The following WIZ variants were observed in gnomAD, a reference collection of about 807,000 sequenced individuals.
The protein encoded by WIZ is WIZ zinc finger, also known as protein Wiz.
WIZ carries 25 observed loss-of-function variants against 140.2 expected under a neutral mutation model. That is an observed-to-expected ratio of 0.18 (90% CI 0.13 to 0.25). The LOEUF is 0.25. Among genes scored for constraint, WIZ ranks in the 10% least tolerant of loss-of-function variants. The probability of loss-of-function intolerance (pLI) is 1.00; values close to 1 mark genes in which losing one functional copy is unlikely to be tolerated. For synonymous variants in WIZ, 1,125 were observed against 1,154.3 expected (o/e 0.97, Z 0.51); for missense variants, 2,231 against 2,632.6 (o/e 0.85, Z 3.34).
rs756409308 is a variant in WIZ at position 15,422,332 on chromosome 19, G to C, written c.*744C>G. 2.6e-5 allele frequency: 4 copies of C among 152,244 alleles called. No individual in the cohort carries two copies. The highest frequency in any genetic ancestry group is 4.8e-5 in the African/African-American group (2 of 41,448). The allele number at this position is 152,244 out of a possible 1,614,324, so 9.4% of individuals were successfully genotyped here. A position where few individuals can be genotyped will look rare whatever the true frequency, so the allele number is the denominator to read the frequency against. ...GTGAAAAGGGAGAGGGAGCAGGAGTGGGGGAGGAGAGTCCCACCCCCCAAC... is the reference window on the plus strand; with the variant it reads ...GTGAAAAGGGAGAGGGAGCAGGAGTCGGGGAGGAGAGTCCCACCCCCCAAC... On this transcript the variant is annotated 3_prime_UTR_variant, in exon 13 of 13. Transcript: ENST00000673675.
chr19:15,448,617 A>C (rs994420191), intron 1 of WIZ, among the ~76,000 whole-genome samples: 1 of 151,860 alleles, frequency 6.6e-6, no homozygotes, highest in Non-Finnish European at 1.5e-5. Context: ...GCCTCAGTTT[A>C]CCCATATTGA....
rs964615502 is a variant in WIZ at position 15,423,578 on chromosome 19, G to GC, written c.5511-344dup. ...AAGCAAATCCTACCCAACGCACCAA[G>GC]CCCCCCACCTCCTCCTGTCTTCCTG... On this transcript the variant is annotated intron_variant, in intron 12 of 12. Coordinates refer to ENST00000673675, the MANE Select transcript of WIZ (RefSeq NM_001371589.1). Among the ~76,000 whole-genome samples the GC allele has an allele frequency of 7.1e-4, 107 of 151,706 alleles. 1 individual carries two copies. Among genetic ancestry groups the GC allele is most frequent in the Middle Eastern group, 6.8e-3 (2 of 294 alleles).
rs866085334 is a variant in WIZ, at chr19:15,422,678, A to G, written c.*398T>C. 1.0e-4 allele frequency: 23 copies of G among 225,800 alleles called. No homozygotes were observed. In the Middle Eastern group the frequency reaches 7.8e-3, roughly 77 times the overall value. 14.0% of individuals were successfully genotyped at this position (225,800 alleles called of 1,614,324 possible). A position where few individuals can be genotyped will look rare whatever the true frequency, so the allele number is the denominator to read the frequency against. ...TGTACATGTGTGTGAGAGGATATTC[A>G]TGGGGGAGAGAGGGAACCAGAACAG... On this transcript the variant is annotated 3_prime_UTR_variant, in exon 13 of 13. Transcript: ENST00000673675.
Position 15,438,650 on chromosome 19 carries a change from G to A in WIZ, c.2344C>T (p.Arg782Cys), listed in dbSNP as rs1344372987. ...LNRVGVSYNVRHFISAEEVKA... is the reference protein window; with the variant it reads ...LNRVGVSYNVCHFISAEEVKA... ...ACCTCCTCAGCGGAGATGAAATGGC[G>A]CACATTGTAGCTGACGCCCACGCGG... is the stretch of plus-strand genomic sequence containing the variant. Residue 782 changes from arginine to cysteine, a missense_variant, in exon 4 of 13, where the codon CGC becomes TGC. Physicochemically the swap from Arg to Cys is radical, Grantham distance 180 (BLOSUM62 -3). Transcript: ENST00000673675. 1 of 1,535,520 alleles carries A rather than the reference G, an allele frequency of 6.5e-7. No homozygotes were observed. The highest frequency in any genetic ancestry group is 8.7e-7 in the Non-Finnish European group (1 of 1,146,362).
Position 15,428,943 on chromosome 19 carries a change from G to C in WIZ, c.3416-435C>G, listed in dbSNP as rs1969039568. Among the ~76,000 whole-genome samples the C allele has an allele frequency of 1.3e-5, 2 of 152,160 alleles. No homozygotes were observed. Among genetic ancestry groups the C allele is most frequent in the African/African-American group, 4.8e-5 (2 of 41,432 alleles). ...CCAAATGGGGGGCTCCATTGGGCAG[G>C]GGGTGAGACCCTGGGGTCACCCCCA... is the stretch of plus-strand genomic sequence containing the variant. On this transcript the variant is annotated intron_variant, in intron 7 of 12. Transcript: ENST00000673675. This position sits in a 1 kb window ranked among gnomAD's most constrained non-coding sequence, Gnocchi z 6.4.
chr19:15,439,077 C>A lies in WIZ; in HGVS notation c.1917G>T (p.Gly639=), dbSNP rs916831068. The change falls in exon 4 of 13, where the codon GGG becomes GGT. Residue 639 remains glycine, a synonymous_variant. Transcript: ENST00000673675. The surrounding 1 kb of genome is among the most constrained non-coding windows in gnomAD (Gnocchi z 7.0). The part of the protein sequence containing the change: ...TSEMDFSPEN[G]VFSPLATPSL... Reference sequence around the variant, plus strand: ...TGGGGGTGGCTAGGGGTGAAAAGACCCCATTTTCAGGGGAAAAATCCATCT... The same window carrying A: ...TGGGGGTGGCTAGGGGTGAAAAGACACCATTTTCAGGGGAAAAATCCATCT... The A allele has an allele frequency of 7.4e-6, 11 of 1,487,302 alleles. No homozygotes were observed. The African/African-American group carries it at 1.4e-4, about 19-fold the overall frequency. The allele number at this position is 1,487,302 out of a possible 1,614,324, so 92.1% of individuals were successfully genotyped here.
intron 5 of WIZ, chr19:15,433,491 T>G (rs895750709): frequency 3.4e-6 from 1 of 296,036 alleles, no homozygotes; most frequent in Non-Finnish European, 5.0e-6. Context: ...TCCAAGATCT[T>G]CCCAATCACT....
intron 1 of WIZ, among the ~76,000 whole-genome samples, chr19:15,448,830 C>T (rs1226440611): frequency 6.6e-6 from 1 of 152,080 alleles, no homozygotes; most frequent in African/African-American, 2.4e-5. Context: ...CAGGAGTCTC[C>T]CATCATTACC....
chr19:15,440,705 C>T lies in WIZ; in HGVS notation c.289G>A (p.Gly97Arg). Residue 97 changes from glycine (G) to arginine (R), a missense_variant, in exon 4 of 13, where the codon GGA becomes AGA. By Grantham distance (125) the Gly-to-Arg change is moderately radical (BLOSUM62 -2). Coordinates refer to ENST00000673675, the MANE Select transcript of WIZ (RefSeq NM_001371589.1). This position sits in a 1 kb window ranked among gnomAD's most constrained non-coding sequence, Gnocchi z 6.2. ...CCCGGCCGGAAGTCCAGGCTGCCTCCATCCCAGCAGCTGCAAGGAAGTGCC... is the reference window on the plus strand; with the variant it reads ...CCCGGCCGGAAGTCCAGGCTGCCTCTATCCCAGCAGCTGCAAGGAAGTGCC... ...THRISSCCWD[G>R]GSLDFRPGSP... 6.7e-7 allele frequency: 1 copy of T among 1,493,386 alleles called. No individual in the cohort carries two copies. Among genetic ancestry groups the T allele is most frequent in the Non-Finnish European group, 8.9e-7 (1 of 1,123,206 alleles). 92.5% of individuals were successfully genotyped at this position (1,493,386 alleles called of 1,614,324 possible). A position where few individuals can be genotyped will look rare whatever the true frequency, so the allele number is the denominator to read the frequency against.
intron 2 of WIZ, among the ~76,000 whole-genome samples, chr19:15,444,514 C>T (rs556778165): frequency 2.0e-5 from 3 of 152,268 alleles, no homozygotes; most frequent in East Asian, 1.9e-4. Context: ...CCCCAGCCCT[C>T]GGTCATGACA....
Position 15,421,283 on chromosome 19 carries a change from G to A in WIZ, c.*1793C>T, listed in dbSNP as rs141694628. The A allele has an allele frequency of 6.6e-5, 10 of 152,396 alleles. No homozygotes were observed. The highest frequency in any genetic ancestry group is 1.3e-4 in the Non-Finnish European group (9 of 68,078). 9.4% of individuals were successfully genotyped at this position (152,396 alleles called of 1,614,324 possible). On this transcript the variant is annotated 3_prime_UTR_variant, in exon 13 of 13. Transcript: ENST00000673675. ...TGGTTGCGGCCTTCTGCCACCAGGC[G>A]AGATGTGCGTCCTGACCCCACAGGA...
Position 15,428,373 on chromosome 19 carries a change from G to T in WIZ, c.3551C>A (p.Ser1184Tyr). 2 of 1,535,500 alleles carry T rather than the reference G, an allele frequency of 1.3e-6. No homozygotes were observed. The highest frequency in any genetic ancestry group is 1.7e-6 in the Non-Finnish European group (2 of 1,146,744). The change falls in exon 8 of 13, where the codon TCC (serine) becomes TAC (tyrosine). Residue 1184 changes from serine to tyrosine, a missense_variant. Transcript: ENST00000673675. The surrounding 1 kb of genome is among the most constrained non-coding windows in gnomAD (Gnocchi z 6.4). ...LGVSDPDAKG[S>Y]PIDVLHGLIR... ...GAGCCCGTGGAGCACGTCTATGGGG[G>T]ATCCCTTGGCGTCCGGATCGCTGAC...
chr19:15,432,356 A>G, intron 5 of WIZ: 2 of 840,104 alleles, frequency 2.4e-6, no homozygotes, highest in South Asian at 5.3e-5. Flanking sequence ...ACTGGACGGA[A>G]GGCGTCGGGG....
intron 2 of WIZ, 79 bp downstream of exon 2, chr19:15,448,024 C>T (rs1482616623): frequency 1.1e-5 from 17 of 1,513,932 alleles, no homozygotes; most frequent in South Asian, 4.6e-5. Flanking sequence ...GCCGCTGCTG[C>T]GCTGGGTGAC....
rs1014725337 is a variant in WIZ at position 15,440,799 on chromosome 19, G to A, written c.279-84C>T. ...GTGGTGATGGGGGTCCTCCCAGGCC[G>A]TTTGAAGCAGGCCCCGGAGATCCAG... is the stretch of plus-strand genomic sequence containing the variant. On this transcript the variant is annotated intron_variant, in intron 3 of 12. Coordinates refer to ENST00000673675, the MANE Select transcript of WIZ (RefSeq NM_001371589.1). The surrounding 1 kb of genome is among the most constrained non-coding windows in gnomAD (Gnocchi z 6.2). 22 of 1,221,222 alleles carry A rather than the reference G, an allele frequency of 1.8e-5. No individual in the cohort carries two copies. The highest frequency in any genetic ancestry group is 6.8e-5 in the East Asian group (2 of 29,408). The allele number at this position is 1,221,222 out of a possible 1,614,324, so 75.6% of individuals were successfully genotyped here.
Position 15,424,665 on chromosome 19 carries a change from G to A in WIZ, c.5262C>T (p.Ala1754=). 6.3e-7 allele frequency: 1 copy of A among 1,590,510 alleles called. No homozygotes were observed. The highest frequency in any genetic ancestry group is 2.3e-5 in the East Asian group (1 of 44,414). The change falls in exon 11 of 13, where the codon GCC becomes GCT. Residue 1754 remains alanine, a synonymous_variant. Transcript: ENST00000673675. This position sits in a 1 kb window ranked among gnomAD's most constrained non-coding sequence, Gnocchi z 9.7. ...CAGCCTTCACGGTGCCTGGCGGGCT[G>A]GCTGCCAGAGGCCGCTCACCACCGT... ...AADGGERPLA[A]SPPGTVKAEE...
Position 15,428,109 on chromosome 19 carries a change from C to T in WIZ, c.3814+1G>A, listed in dbSNP as rs1312092543. ...AGGGGGCAGCTGAAGCGAGAACCTACAGAGGTTGAGAGGAGACGGCTCCAC... is the reference window on the plus strand; with the variant it reads ...AGGGGGCAGCTGAAGCGAGAACCTATAGAGGTTGAGAGGAGACGGCTCCAC... On this transcript the variant is annotated splice_donor_variant, in intron 8 of 12. Coordinates refer to ENST00000673675, the MANE Select transcript of WIZ (RefSeq NM_001371589.1). LOFTEE classifies it high-confidence loss of function. The surrounding 1 kb of genome is among the most constrained non-coding windows in gnomAD (Gnocchi z 6.4). The T allele has an allele frequency of 6.5e-7, 1 of 1,533,796 alleles. No individual in the cohort carries two copies. The highest frequency in any genetic ancestry group is 8.7e-7 in the Non-Finnish European group (1 of 1,146,642).
At chr19:15,431,397 A>G (rs1969228401) in intron 5 of WIZ, among the ~76,000 whole-genome samples, 1 of 152,236 alleles carries the variant, frequency 6.6e-6, no homozygotes, top group South Asian at 2.1e-4. Context: ...AGCTGCTTCC[A>G]CACACTACAG....
At chr19:15,434,297 T>C (rs1969433905) in intron 5 of WIZ, among the ~76,000 whole-genome samples, 1 of 139,992 alleles carries the variant, frequency 7.1e-6, no homozygotes. Flanking sequence ...CGTGGTGGCT[T>C]ACACCTGTAA....
Sources: gnomAD v4.1 joint callset for allele counts (sites outside exome capture counted in the v4.1 genomes callset) on GRCh38, gnomAD v4.1.1 for gene constraint, Gnocchi (gnomAD v3.1) non-coding constraint, MANE v1.5 for transcripts, NCBI Gene and HGNC (gene_info 2026-07-23, HGNC 2026-07-21) for gene names.